Variants in NF2 observed in about 807,000 individuals in gnomAD.
NF2 encodes the protein NF2, moesin-ezrin-radixin like (MERLIN) tumor suppressor, also known as merlin.
NF2 carries 8 observed loss-of-function variants against 83.7 expected under a neutral mutation model. That is an observed-to-expected ratio of 0.10 (90% CI 0.06 to 0.17). The LOEUF (loss-of-function observed/expected upper bound fraction) is 0.17. Among genes scored for constraint, NF2 ranks in the 10% least tolerant of loss-of-function variants. The pLI is 1.00. For synonymous variants in NF2, 266 were observed against 269.6 expected, an observed-to-expected ratio of 0.99 and a Z score of 0.13; for missense variants, 533 against 744.4, an observed-to-expected ratio of 0.72 and a Z score of 3.31.
At chr22:29,643,819 C>T (rs1292987875) in intron 4 of NF2, among the ~76,000 whole-genome samples, 3 of 152,176 alleles carry the variant, frequency 2.0e-5, no homozygotes, top group African/African-American at 4.8e-5. Context: ...ACCTCCCAGA[C>T]GGGGTGGTGG....
chr22:29,693,320 T>C (rs148655574), intron 15 of NF2, among the ~76,000 whole-genome samples: 1 of 152,326 alleles, frequency 6.6e-6, no homozygotes, highest in Non-Finnish European at 1.5e-5. Context: ...CTGAAATTGG[T>C]TCCACTGAAG....
intron 14 of NF2, among the ~76,000 whole-genome samples, chr22:29,679,212 C>T (rs930647318): frequency 1.3e-5 from 2 of 151,976 alleles, no homozygotes; most frequent in Non-Finnish European, 2.9e-5. Flanking sequence ...TGAAACCCCT[C>T]ACCCATCTGA....
At chr22:29,633,508 C>T (rs1471624884) in intron 1 of NF2, among the ~76,000 whole-genome samples, 4 of 152,144 alleles carry the variant, frequency 2.6e-5, no homozygotes, top group Non-Finnish European at 4.4e-5. Flanking sequence ...ACTTTCTGGC[C>T]TTCTTGATCC....
rs879447779 is a variant in NF2 at position 29,644,952 on chromosome 22, GGGGAGA to G, written c.447+2683_447+2688del. Among the ~76,000 whole-genome samples the G allele has an allele frequency of 7.9e-3, 1,206 of 152,154 alleles. 9 individuals are homozygous for G. The highest frequency in any genetic ancestry group is 0.014 in the Middle Eastern group (4 of 294). ...GAGACCATGGGGAGAGGGAGACCAT[GGGGAGA>G]GGGAGAGGGAGAGGGCACTTGTGTG... On this transcript the variant is annotated intron_variant, in intron 4 of 15. Transcript: ENST00000338641.
intron 10 of NF2, 81 bp from the exon 11 acceptor site, chr22:29,671,745 G>T: frequency 6.2e-7 from 1 of 1,600,910 alleles, no homozygotes; most frequent in Non-Finnish European, 8.5e-7. Flanking sequence ...GGAGACTGGA[G>T]ATGGGGCATC....
intron 2 of NF2, among the ~76,000 whole-genome samples, chr22:29,638,460 C>T (rs1322815184): frequency 6.6e-6 from 1 of 151,938 alleles, no homozygotes; most frequent in African/African-American, 2.4e-5. Context: ...AAGAGATTCT[C>T]CTGCCTCAGC....
chr22:29,695,674 A>G lies in NF2; in HGVS notation c.*872A>G, dbSNP rs2067530623. 1.3e-5 allele frequency: 3 copies of G among 233,572 alleles called. No homozygotes were observed. Among genetic ancestry groups the G allele is most frequent in the Non-Finnish European group, 2.5e-5 (3 of 118,314 alleles). 14.5% of individuals were successfully genotyped at this position (233,572 alleles called of 1,614,324 possible). ...TGCAGTCAGCACCCGTAACCCGGCT[A>G]TGACCAGGGATCTGTAAGCCCTGTG... On this transcript the variant is annotated 3_prime_UTR_variant, in exon 16 of 16. Transcript: ENST00000338641. The surrounding 1 kb of genome is among the most constrained non-coding windows in gnomAD (Gnocchi z 5.4).
chr22:29,653,936 A>G (rs1338646164), intron 4 of NF2, among the ~76,000 whole-genome samples: 2 of 151,948 alleles, frequency 1.3e-5, no homozygotes, highest in African/African-American at 2.4e-5. Context: ...CTTTTTAAAC[A>G]TTCTTTAACT....
intron 6 of NF2, among the ~76,000 whole-genome samples, chr22:29,655,906 A>G (rs983955104): frequency 2.6e-5 from 4 of 151,758 alleles, no homozygotes; most frequent in African/African-American, 9.7e-5. Context: ...CTGTCAAGAT[A>G]TATAGACCTG....
chr22:29,668,618 T>C (rs943061704), intron 10 of NF2, among the ~76,000 whole-genome samples, 172 bp downstream of exon 10: 1 of 152,244 alleles, frequency 6.6e-6, no homozygotes, highest in Non-Finnish European at 1.5e-5. Context: ...ATGTCATCTC[T>C]GGAAATGAGG....
chr22:29,610,954 T>C (rs1172840088), intron 1 of NF2, among the ~76,000 whole-genome samples: 4 of 151,990 alleles, frequency 2.6e-5, no homozygotes, highest in African/African-American at 9.7e-5. Context: ...CAGTAACATA[T>C]AAAAATAATT....
rs5763409 is a variant in NF2, at chr22:29,672,642, T to G, written c.1123-627T>G. ...TTTATTTTTTTTTTTTGAGATGGAG[T>G]TTCACTCTTGTTGCCCAAGCTGGAG... On this transcript the variant is annotated intron_variant, in intron 11 of 15. Coordinates refer to ENST00000338641, the MANE Select transcript of NF2 (RefSeq NM_000268.4). 1.1e-4 allele frequency among the ~76,000 whole-genome samples: 16 copies of G among 141,314 alleles called. No individual in the cohort carries two copies. In the East Asian group the frequency reaches 3.2e-3, roughly 28 times the overall value. The allele number at this position is 141,314 out of a possible 152,430, so 92.7% of individuals were successfully genotyped here. A position where few individuals can be genotyped will look rare whatever the true frequency, so the allele number is the denominator to read the frequency against.
At chr22:29,641,488 G>T (rs1012199379) in intron 3 of NF2, among the ~76,000 whole-genome samples, 3 of 152,110 alleles carry the variant, frequency 2.0e-5, no homozygotes, top group Admixed American at 2.0e-4. Context: ...TATGAATCCG[G>T]TGACTGTTGA....
intron 15 of NF2, among the ~76,000 whole-genome samples, chr22:29,693,195 C>T (rs2067452908): frequency 6.6e-6 from 1 of 152,218 alleles, no homozygotes; most frequent in South Asian, 2.1e-4. Flanking sequence ...TGGCCCTTCT[C>T]CTCTGATTAC....
intron 1 of NF2, among the ~76,000 whole-genome samples, chr22:29,607,500 C>T (rs1465720016): frequency 1.3e-5 from 2 of 152,166 alleles, no homozygotes; most frequent in East Asian, 3.9e-4. Context: ...TCAAATAATC[C>T]AGCCAGTCGC....
intron 7 of NF2, among the ~76,000 whole-genome samples, chr22:29,659,809 G>C (rs981832206): frequency 7.9e-5 from 12 of 152,122 alleles, no homozygotes; most frequent in Non-Finnish European, 1.8e-4. Flanking sequence ...TTTCCAAAAT[G>C]TACTGCAGAT....
At chr22:29,615,701 C>T (rs1020299223) in intron 1 of NF2, among the ~76,000 whole-genome samples, 1 of 152,090 alleles carries the variant, frequency 6.6e-6, no homozygotes, top group South Asian at 2.1e-4. Flanking sequence ...TGGTGCTATA[C>T]TCCAGGCTGG....
Position 29,696,824 on chromosome 22 carries a change from GTTT to G in NF2, c.*2030_*2032del, listed in dbSNP as rs11442202. 1.2e-5 allele frequency: 2 copies of G among 162,774 alleles called. No homozygotes were observed. Among genetic ancestry groups the G allele is most frequent in the African/African-American group, 5.2e-5 (2 of 38,570 alleles). 10.1% of individuals were successfully genotyped at this position (162,774 alleles called of 1,614,324 possible). A position where few individuals can be genotyped will look rare whatever the true frequency, so the allele number is the denominator to read the frequency against. On this transcript the variant is annotated 3_prime_UTR_variant, in exon 16 of 16. Coordinates refer to ENST00000338641, the MANE Select transcript of NF2 (RefSeq NM_000268.4). ...TTTTTTTTTTTCTGTTTCTGTTTCT[GTTT>G]TTTTTTTGAGATGGAGTCTCGCTCT... is the stretch of plus-strand genomic sequence containing the variant.
chr22:29,681,570 G>A lies in NF2; in HGVS notation c.1706G>A (p.Gly569Asp), dbSNP rs781488145. 2.5e-6 allele frequency: 4 copies of A among 1,614,034 alleles called. No homozygotes were observed. Among genetic ancestry groups the A allele is most frequent in the African/African-American group, 1.3e-5 (1 of 74,934 alleles). Residue 569 changes from glycine to aspartate, a missense_variant, in exon 15 of 16, where the codon GGT becomes GAT. Transcript: ENST00000338641. ...CTGCACAATGAGAACTCCGACAGGGGTGGCAGCAGCAAGCACAATACCATT... is the reference window on the plus strand; with the variant it reads ...CTGCACAATGAGAACTCCGACAGGGATGGCAGCAGCAAGCACAATACCATT... The part of the protein sequence containing the change: ...DILHNENSDR[G>D]GSSKHNTIKK...
Sources: gnomAD v4.1 joint callset for allele counts (sites outside exome capture counted in the v4.1 genomes callset) on GRCh38, gnomAD v4.1.1 for gene constraint, Gnocchi (gnomAD v3.1) non-coding constraint, MANE v1.5 for transcripts, NCBI Gene and HGNC (gene_info 2026-07-23, HGNC 2026-07-21) for gene names.